PGBD5: variants seen among roughly 807,000 people sequenced by gnomAD.
PGBD5 encodes the protein piggyBac transposable element-derived protein 5.
Under a neutral mutation model 47.9 loss-of-function variants are expected in PGBD5, and 14 were observed. The ratio of observed to expected loss-of-function variants is 0.29; its 90% CI spans 0.19 to 0.46. The LOEUF (loss-of-function observed/expected upper bound fraction) is 0.46. Among genes scored for constraint, PGBD5 ranks in the 20% least tolerant of loss-of-function variants. PGBD5 has a pLI of 1.00. For synonymous variants in PGBD5, 316 were observed against 306.3 expected, an observed-to-expected ratio of 1.03 and a Z score of -0.33; for missense variants, 635 against 716.0, an observed-to-expected ratio of 0.89 and a Z score of 1.29.
chr1:230,338,844 G>A (rs575963222), intron 3 of PGBD5, among the ~76,000 whole-genome samples: 60 of 152,056 alleles, frequency 3.9e-4, no homozygotes, highest in Non-Finnish European at 7.9e-4. Context: ...AAAAAAGCCC[G>A]CAATGGGGCC....
At position 230,347,482 on chromosome 1, in the gene PGBD5, T is replaced by C. The variant is rs1156861600; in HGVS notation, c.894+3476A>G. On this transcript the variant is annotated intron_variant, in intron 3 of 6. Coordinates refer to ENST00000391860, the MANE Select transcript of PGBD5 (RefSeq NM_001258311.2). ...ATCATTTTCATTTTCTTTTCTTTTTTTTTTTTTTTTTTTTGAGATGGATTT... is the reference window on the plus strand; with the variant it reads ...ATCATTTTCATTTTCTTTTCTTTTTCTTTTTTTTTTTTTTGAGATGGATTT... Among the ~76,000 whole-genome samples, 4 of 146,892 alleles carry C rather than the reference T, an allele frequency of 2.7e-5. No homozygotes were observed. In the East Asian group the frequency reaches 5.9e-4, roughly 22 times the overall value.
Position 230,374,976 on chromosome 1 carries a change from C to T in PGBD5, c.332-17655G>A, listed in dbSNP as rs77447541. Among the ~76,000 whole-genome samples the T allele has an allele frequency of 6.9e-3, 1,055 of 152,318 alleles. 12 individuals carry two copies. Among genetic ancestry groups the T allele is most frequent in the African/African-American group, 0.024 (1,010 of 41,564 alleles). On this transcript the variant is annotated intron_variant, in intron 1 of 6. Transcript: ENST00000391860. Reference sequence around the variant, plus strand: ...CCCTCCTTGAGCCTGCAGCCCTCAACTGGAAGCAGCCCACTGCCCCGCTCA... The same window carrying T: ...CCCTCCTTGAGCCTGCAGCCCTCAATTGGAAGCAGCCCACTGCCCCGCTCA...
At chr1:230,405,872 T>A (rs571494788) in intron 1 of PGBD5, among the ~76,000 whole-genome samples, 44 of 152,318 alleles carry the variant, frequency 2.9e-4, no homozygotes, top group Admixed American at 5.2e-4. Context: ...TAGATTCCCA[T>A]CATGTCTAAG....
intron 5 of PGBD5, among the ~76,000 whole-genome samples, chr1:230,330,333 A>G (rs1667193741): frequency 6.6e-6 from 1 of 152,210 alleles, no homozygotes; most frequent in Non-Finnish European, 1.5e-5. Context: ...ACATCGTCCC[A>G]CCCTTTGACC....
chr1:230,375,810 G>GT (rs533143203), intron 1 of PGBD5, among the ~76,000 whole-genome samples: 495 of 151,482 alleles, frequency 3.3e-3, no homozygotes, highest in Non-Finnish European at 5.3e-3. Flanking sequence ...TTCTACAGTT[G>GT]TTTTTTTTGT....
intron 1 of PGBD5, among the ~76,000 whole-genome samples, chr1:230,400,733 T>A (rs1657117650): frequency 6.6e-6 from 1 of 152,208 alleles, no homozygotes; most frequent in South Asian, 2.1e-4. Flanking sequence ...CAGTCCCAGC[T>A]ACTTAGGAGG....
intron 1 of PGBD5, among the ~76,000 whole-genome samples, chr1:230,399,432 G>C (rs1163072980): frequency 6.6e-6 from 1 of 152,178 alleles, no homozygotes; most frequent in Non-Finnish European, 1.5e-5. Flanking sequence ...CCCCACAGGA[G>C]GGGGCTACCT....
chr1:230,381,386 C>T (rs1446992585), intron 1 of PGBD5, among the ~76,000 whole-genome samples: 1 of 152,266 alleles, frequency 6.6e-6, no homozygotes, highest in Non-Finnish European at 1.5e-5. Flanking sequence ...CACTCTGGAG[C>T]AGCCTCCTTC....
intron 1 of PGBD5, among the ~76,000 whole-genome samples, chr1:230,417,198 C>T (rs1184627558): frequency 6.6e-6 from 1 of 152,068 alleles, no homozygotes; most frequent in African/African-American, 2.4e-5. Context: ...CCAGTATTCT[C>T]CCACCCCCAA....
intron 1 of PGBD5, among the ~76,000 whole-genome samples, chr1:230,395,879 A>C (rs1313167052): frequency 1.3e-4 from 3 of 22,714 alleles, no homozygotes; most frequent in African/African-American, 2.2e-4. Context: ...CTCCCCATCC[A>C]AGTTCCTCTC....
At chr1:230,365,185 C>A (rs1275576938) in intron 1 of PGBD5, among the ~76,000 whole-genome samples, 1 of 141,124 alleles carries the variant, frequency 7.1e-6, no homozygotes, top group African/African-American at 2.6e-5. Flanking sequence ...TGGTGGCGGG[C>A]ACCTGTAGTC....
rs765109366 is a variant in PGBD5 at position 230,333,055 on chromosome 1, G to A, written c.1076-14C>T. Reference sequence around the variant, plus strand: ...AGCAGTAAATCCCTGAGGGGAGAGGGAGGAAGGATCGCACACTCACCACCA... The same window carrying A: ...AGCAGTAAATCCCTGAGGGGAGAGGAAGGAAGGATCGCACACTCACCACCA... On this transcript the variant is annotated splice_polypyrimidine_tract_variant and intron_variant, in intron 4 of 6. Transcript: ENST00000391860. The A allele has an allele frequency of 1.1e-5, 17 of 1,579,172 alleles. No homozygotes were observed. The East Asian group carries it at 2.3e-4, about 21-fold the overall frequency.
At chr1:230,399,313 C>G (rs1033740613) in intron 1 of PGBD5, among the ~76,000 whole-genome samples, 1 of 152,134 alleles carries the variant, frequency 6.6e-6, no homozygotes, top group Non-Finnish European at 1.5e-5. Flanking sequence ...TGAGAACAGT[C>G]CCCCACTTTG....
intron 1 of PGBD5, among the ~76,000 whole-genome samples, chr1:230,378,662 C>T (rs1179017038): frequency 3.9e-5 from 6 of 152,182 alleles, no homozygotes; most frequent in Non-Finnish European, 8.8e-5. Context: ...GACAAATGCC[C>T]CCATAAAAGC....
chr1:230,346,904 G>A (rs1224169604), intron 3 of PGBD5, among the ~76,000 whole-genome samples: 1 of 152,112 alleles, frequency 6.6e-6, no homozygotes, highest in Non-Finnish European at 1.5e-5. Flanking sequence ...CAAGCATGAA[G>A]CTCACTCTAT....
chr1:230,412,964 G>A (rs1447099701), intron 1 of PGBD5, among the ~76,000 whole-genome samples: 1 of 152,096 alleles, frequency 6.6e-6, no homozygotes, highest in Non-Finnish European at 1.5e-5. Context: ...CCCAGTCCAA[G>A]TTTCAGGGTA....
intron 1 of PGBD5, among the ~76,000 whole-genome samples, chr1:230,361,677 G>A (rs574067967): frequency 6.6e-6 from 1 of 152,314 alleles, no homozygotes; most frequent in Admixed American, 6.5e-5. Context: ...GTAACACAAG[G>A]GCAATTATGG....
chr1:230,351,696 AATC>A (rs1667562905), intron 2 of PGBD5, among the ~76,000 whole-genome samples: 1 of 152,096 alleles, frequency 6.6e-6, no homozygotes, highest in Non-Finnish European at 1.5e-5. Context: ...TCTTTTTATA[AATC>A]ATTCATCAAA....
chr1:230,425,567 C>T lies in PGBD5; in HGVS notation c.331+31G>A. The T allele has an allele frequency of 8.2e-7, 1 of 1,217,538 alleles. No individual in the cohort carries two copies. The highest frequency in any genetic ancestry group is 3.3e-5 in the East Asian group (1 of 30,572). The allele number at this position is 1,217,538 out of a possible 1,614,324, so 75.4% of individuals were successfully genotyped here. A position where few individuals can be genotyped will look rare whatever the true frequency, so the allele number is the denominator to read the frequency against. On this transcript the variant is annotated intron_variant, in intron 1 of 6. Coordinates refer to ENST00000391860, the MANE Select transcript of PGBD5 (RefSeq NM_001258311.2). This position sits in a 1 kb window ranked among gnomAD's most constrained non-coding sequence, Gnocchi z 4.7. ...CCCCCGCGCCCGGTTCCAGCGCCGC[C>T]CCCGACATCCACCCGCGGGCAGCCC...
Sources: allele counts gnomAD v4.1 joint callset (sites outside exome capture counted in the v4.1 genomes callset), GRCh38; gene constraint gnomAD v4.1.1; non-coding constraint Gnocchi (gnomAD v3.1); transcripts MANE v1.5; gene names NCBI Gene and HGNC (gene_info 2026-07-23, HGNC 2026-07-21).